The following DYM variants were observed in gnomAD, a reference collection of about 807,000 sequenced individuals.
The protein encoded by DYM is dymeclin.
Under a neutral mutation model 93.1 loss-of-function variants are expected in DYM, and 78 were observed. The observed-to-expected ratio is 0.84, with a 90% confidence interval of 0.70 to 1.01. The LOEUF (loss-of-function observed/expected upper bound fraction) is 1.01. Ranked by LOEUF, DYM falls within the 50% of genes least tolerant of loss-of-function variation. DYM has a pLI of 0.00. For synonymous variants in DYM, 321 were observed against 319.7 expected (o/e 1.00, Z -0.04); for missense variants, 789 against 845.0 (o/e 0.93, Z 0.82).
intron 2 of DYM, among the ~76,000 whole-genome samples, chr18:49,398,691 C>T (rs1027663564): frequency 3.9e-5 from 6 of 152,302 alleles, no homozygotes; most frequent in East Asian, 1.9e-4. Flanking sequence ...CTATGAGACA[C>T]TCCAGTGTCT....
intron 6 of DYM, among the ~76,000 whole-genome samples, chr18:49,336,199 A>G (rs2063659230): frequency 6.6e-6 from 1 of 152,224 alleles, no homozygotes; most frequent in African/African-American, 2.4e-5. Flanking sequence ...CCTCAGATCT[A>G]GAAACAAATT....
intron 8 of DYM, among the ~76,000 whole-genome samples, chr18:49,310,587 G>GA (rs939447923): frequency 6.6e-6 from 1 of 152,088 alleles, no homozygotes; most frequent in African/African-American, 2.4e-5. Flanking sequence ...GTGGCCAAAA[G>GA]AATTATTAGA....
intron 5 of DYM, chr18:49,375,585 T>C (rs1301769846): frequency 1.3e-5 from 2 of 152,176 alleles, no homozygotes; most frequent in Non-Finnish European, 2.9e-5. Flanking sequence ...AAAATTGATA[T>C]GCTTGCTTTA....
intron 13 of DYM, among the ~76,000 whole-genome samples, chr18:49,237,745 A>C (rs887589419): frequency 5.3e-5 from 8 of 152,188 alleles, no homozygotes; most frequent in Non-Finnish European, 1.2e-4. Flanking sequence ...CACTTTTATC[A>C]GTTTCTTGTG....
intron 16 of DYM, among the ~76,000 whole-genome samples, chr18:49,102,176 A>T (rs1436573081): frequency 6.6e-6 from 1 of 152,218 alleles, no homozygotes; most frequent in African/African-American, 2.4e-5. Context: ...CACACCTAAT[A>T]ACAGTAAGAG....
In DYM at chr18:49,078,955, C is replaced by T. The variant is rs148333822; in HGVS notation, c.2025+18447G>A. On this transcript the variant is annotated intron_variant, in intron 17 of 17. Transcript: ENST00000675505. ...TGCAAGGTTAATTGAGTTGTTCCCG[C>T]ATAAGGGAATTTGGTACTATGTTAT... Among the ~76,000 whole-genome samples the T allele has an allele frequency of 8.5e-5, 13 of 152,318 alleles. No individual in the cohort carries two copies. In the East Asian group the frequency reaches 2.5e-3, roughly 29 times the overall value.
intron 1 of DYM, among the ~76,000 whole-genome samples, chr18:49,434,819 A>G (rs2148506398): frequency 6.6e-6 from 1 of 152,226 alleles, no homozygotes; most frequent in African/African-American, 2.4e-5. Flanking sequence ...TTTTTTAATT[A>G]GCCAGGTGTG....
At chr18:49,258,709 G>A (rs759539750) in intron 11 of DYM, among the ~76,000 whole-genome samples, 19 of 151,560 alleles carry the variant, frequency 1.3e-4, no homozygotes, top group South Asian at 4.2e-4. Flanking sequence ...GCACACCTCC[G>A]GGCCTAAGTA....
chr18:49,373,549 C>G (rs1357237853), intron 5 of DYM, among the ~76,000 whole-genome samples: 1 of 152,058 alleles, frequency 6.6e-6, no homozygotes, highest in East Asian at 1.9e-4. Context: ...TTCACTGCAA[C>G]TTGTTTTATC....
intron 17 of DYM, among the ~76,000 whole-genome samples, chr18:49,070,592 T>G (rs574920516): frequency 6.6e-6 from 1 of 152,334 alleles, no homozygotes; most frequent in Non-Finnish European, 1.5e-5. Context: ...CTAATTTTCT[T>G]AAGTTCCTCA....
intron 5 of DYM, among the ~76,000 whole-genome samples, chr18:49,372,159 C>T (rs1447079325): frequency 2.6e-5 from 4 of 152,166 alleles, no homozygotes; most frequent in African/African-American, 9.7e-5. Context: ...AATCAGATAT[C>T]ATATATCAGC....
At chr18:49,344,198 C>A (rs2064389061) in intron 6 of DYM, among the ~76,000 whole-genome samples, 1 of 152,022 alleles carries the variant, frequency 6.6e-6, no homozygotes. Context: ...AACAGAAAAA[C>A]CCTGGAACAG....
intron 17 of DYM, among the ~76,000 whole-genome samples, chr18:49,059,869 A>T (rs922516249): frequency 2.0e-5 from 3 of 152,218 alleles, no homozygotes; most frequent in Non-Finnish European, 4.4e-5. Flanking sequence ...CCTCTGAATT[A>T]GTTTGATGTT....
chr18:49,291,947 T>C (rs2060137534), intron 8 of DYM, among the ~76,000 whole-genome samples: 1 of 152,176 alleles, frequency 6.6e-6, no homozygotes, highest in African/African-American at 2.4e-5. Context: ...ACTCAGAGTA[T>C]GCTCCATGAC....
intron 13 of DYM, among the ~76,000 whole-genome samples, chr18:49,221,482 A>C (rs1002366375): frequency 6.6e-6 from 1 of 152,160 alleles, no homozygotes; most frequent in South Asian, 2.1e-4. Context: ...CACTATTCAC[A>C]ATAGCAAAGA....
At chr18:49,385,144 AGAAGTGAG>A (rs1471389927) in intron 3 of DYM, among the ~76,000 whole-genome samples, 1 of 152,204 alleles carries the variant, frequency 6.6e-6, no homozygotes, top group African/African-American at 2.4e-5. Flanking sequence ...TGCCAAAACA[AGAAGTGAG>A]GATACCCGGC....
intron 5 of DYM, among the ~76,000 whole-genome samples, chr18:49,374,264 G>A (rs2067288891): frequency 1.3e-5 from 2 of 152,108 alleles, no homozygotes; most frequent in African/African-American, 2.4e-5. Context: ...CACCAACTTA[G>A]TTAACTTCCT....
chr18:49,372,104 A>T (rs1157781280), intron 5 of DYM, among the ~76,000 whole-genome samples: 1 of 152,098 alleles, frequency 6.6e-6, no homozygotes, highest in African/African-American at 2.4e-5. Flanking sequence ...CCTTCAAACA[A>T]CCTGTACCAC....
chr18:49,339,460 C>G (rs1450115903), intron 6 of DYM, among the ~76,000 whole-genome samples: 1 of 152,188 alleles, frequency 6.6e-6, no homozygotes, highest in Non-Finnish European at 1.5e-5. Context: ...GCCCCTCTTG[C>G]TCTTCCATTT....
Sources: allele counts gnomAD v4.1 joint callset (sites outside exome capture counted in the v4.1 genomes callset), GRCh38; gene constraint gnomAD v4.1.1; transcripts MANE v1.5; gene names NCBI Gene and HGNC (gene_info 2026-07-23, HGNC 2026-07-21).